EIF2B3: variants seen among roughly 807,000 people sequenced by gnomAD.
EIF2B3 encodes eukaryotic translation initiation factor 2B subunit gamma, also known as translation initiation factor eIF2B subunit gamma.
EIF2B3 carries 20 observed loss-of-function variants against 54.1 expected under a neutral mutation model. The ratio of observed to expected loss-of-function variants is 0.37; its 90% CI spans 0.26 to 0.54. The LOEUF (loss-of-function observed/expected upper bound fraction) is 0.54, where lower values mean the gene tolerates loss of function less well. EIF2B3 is among the 20% of genes least tolerant of loss of function. EIF2B3 has a pLI of 0.86. For synonymous variants in EIF2B3, 153 were observed against 188.1 expected (o/e 0.81, Z 1.52); for missense variants, 448 against 547.8 (o/e 0.82, Z 1.82).
chr1:44,936,928 T>C (rs138047489), intron 4 of EIF2B3, among the ~76,000 whole-genome samples: 2 of 152,328 alleles, frequency 1.3e-5, no homozygotes, highest in African/African-American at 2.4e-5. Context: ...AGGCTCACTT[T>C]ACAACAGAAG....
At chr1:44,887,512 G>A (rs1655631449) in intron 6 of EIF2B3, among the ~76,000 whole-genome samples, 1 of 152,164 alleles carries the variant, frequency 6.6e-6, no homozygotes, top group East Asian at 1.9e-4. Context: ...TTACAGAAAT[G>A]GCGAAATCTT....
chr1:44,949,548 T>C (rs1644139070), intron 3 of EIF2B3, among the ~76,000 whole-genome samples: 1 of 152,208 alleles, frequency 6.6e-6, no homozygotes, highest in East Asian at 1.9e-4. Context: ...TTAGAAACAG[T>C]ATACATTCTG....
intron 11 of EIF2B3, among the ~76,000 whole-genome samples, chr1:44,855,811 C>A (rs1573677064): frequency 6.6e-6 from 1 of 152,116 alleles, no homozygotes; most frequent in African/African-American, 2.4e-5. Flanking sequence ...CCCACTTCGG[C>A]CTCCCAAAGT....
chr1:44,974,505 G>C (rs919920959), intron 3 of EIF2B3, among the ~76,000 whole-genome samples: 1 of 151,246 alleles, frequency 6.6e-6, no homozygotes, highest in Admixed American at 6.6e-5. Context: ...AAAGAAATTA[G>C]CCGGGCATGG....
intron 5 of EIF2B3, among the ~76,000 whole-genome samples, chr1:44,907,107 C>G (rs1643426135): frequency 6.6e-6 from 1 of 152,218 alleles, no homozygotes; most frequent in Non-Finnish European, 1.5e-5. Flanking sequence ...TGTCAATACC[C>G]TAGTTCAAAT....
intron 3 of EIF2B3, among the ~76,000 whole-genome samples, chr1:44,949,553 A>T (rs931538010): frequency 6.6e-6 from 1 of 152,226 alleles, no homozygotes; most frequent in Non-Finnish European, 1.5e-5. Flanking sequence ...AACAGTATAC[A>T]TTCTGACAGA....
intron 3 of EIF2B3, among the ~76,000 whole-genome samples, chr1:44,959,641 C>T (rs1644264187): frequency 6.6e-6 from 1 of 152,196 alleles, no homozygotes; most frequent in African/African-American, 2.4e-5. Context: ...TACGACTCCC[C>T]AGCCTCCCTG....
chr1:44,978,586 T>C lies in EIF2B3; in HGVS notation c.149-126A>G, dbSNP rs954995810. On this transcript the variant is annotated intron_variant, in intron 2 of 11. Transcript: ENST00000360403. Reference sequence around the variant, plus strand: ...ACAACTGCTAATATTATTGTGCCTTTTCAATATATTTTACCTGCATTCCCC... The same window carrying C: ...ACAACTGCTAATATTATTGTGCCTTCTCAATATATTTTACCTGCATTCCCC... 2.8e-5 allele frequency: 25 copies of C among 886,240 alleles called. No homozygotes were observed. In the African/African-American group the frequency reaches 4.4e-4, roughly 15 times the overall value. The allele number at this position is 886,240 out of a possible 1,614,324, so 54.9% of individuals were successfully genotyped here. A position where few individuals can be genotyped will look rare whatever the true frequency, so the allele number is the denominator to read the frequency against.
intron 3 of EIF2B3, among the ~76,000 whole-genome samples, chr1:44,963,692 C>CT (rs1222558898): frequency 6.6e-6 from 1 of 152,208 alleles, no homozygotes; most frequent in African/African-American, 2.4e-5. Context: ...ATAAATTGTA[C>CT]TGCACCTTTC....
rs112711930 is a variant in EIF2B3 at position 44,978,228 on chromosome 1, C to A, written c.294+87G>T. On this transcript the variant is annotated intron_variant, in intron 3 of 11. Transcript: ENST00000360403. Reference sequence around the variant, plus strand: ...CCTAGGTGACAGAGCGAGGTTCTGTCTCAAAAAAAAGACTATAATGCACTG... The same window carrying A: ...CCTAGGTGACAGAGCGAGGTTCTGTATCAAAAAAAAGACTATAATGCACTG... 2.8e-4 allele frequency: 425 copies of A among 1,520,256 alleles called. No homozygotes were observed. In the African/African-American group the frequency reaches 5.2e-3, roughly 19 times the overall value. The allele number at this position is 1,520,256 out of a possible 1,614,324, so 94.2% of individuals were successfully genotyped here. A position where few individuals can be genotyped will look rare whatever the true frequency, so the allele number is the denominator to read the frequency against.
intron 3 of EIF2B3, among the ~76,000 whole-genome samples, chr1:44,951,934 C>T (rs1274164472): frequency 4.4e-5 from 6 of 134,872 alleles, no homozygotes; most frequent in African/African-American, 1.7e-4. Flanking sequence ...ATTACAGGGG[C>T]GCACCACCAT....
At chr1:44,875,281 G>A (rs1285541653) in intron 9 of EIF2B3, among the ~76,000 whole-genome samples, 1 of 152,182 alleles carries the variant, frequency 6.6e-6, no homozygotes, top group Non-Finnish European at 1.5e-5. Context: ...AACCTCAGGT[G>A]AGCCTCTACC....
At chr1:44,975,510 GGTAA>G (rs1644444537) in intron 3 of EIF2B3, among the ~76,000 whole-genome samples, 2 of 152,060 alleles carry the variant, frequency 1.3e-5, no homozygotes, top group African/African-American at 4.8e-5. Context: ...GTAACACAAT[GGTAA>G]GTATTTGTGT....
At chr1:44,867,482 G>C (rs1001986838) in intron 10 of EIF2B3, among the ~76,000 whole-genome samples, 3 of 152,070 alleles carry the variant, frequency 2.0e-5, no homozygotes, top group Admixed American at 6.6e-5. Flanking sequence ...AAGCTTTCAA[G>C]CCTCAGCAGC....
chr1:44,948,990 T>C (rs979550853), intron 3 of EIF2B3, among the ~76,000 whole-genome samples: 3 of 152,156 alleles, frequency 2.0e-5, no homozygotes, highest in African/African-American at 7.2e-5. Flanking sequence ...TGCCTCAGCC[T>C]CCCAAGTAGC....
Position 44,929,014 on chromosome 1 carries a change from G to T in EIF2B3, c.455-2275C>A, listed in dbSNP as rs145727130. On this transcript the variant is annotated intron_variant, in intron 4 of 11. Transcript: ENST00000360403. The stretch of plus-strand genomic sequence containing the variant: ...TCCTCAGTTTCATCTATAAAATGGG[G>T]ATAATAATAGTGTTTGTCTCACAGG... Among the ~76,000 whole-genome samples the T allele has an allele frequency of 1.1e-4, 16 of 152,258 alleles. No homozygotes were observed. The East Asian group carries it at 3.1e-3, about 29-fold the overall frequency.
intron 5 of EIF2B3, among the ~76,000 whole-genome samples, chr1:44,921,042 T>C (rs935569863): frequency 6.6e-6 from 1 of 152,232 alleles, no homozygotes; most frequent in African/African-American, 2.4e-5. Context: ...TCTACAACCT[T>C]GCCAGCATTT....
At chr1:44,960,807 G>C (rs920136586) in intron 3 of EIF2B3, among the ~76,000 whole-genome samples, 7 of 152,106 alleles carry the variant, frequency 4.6e-5, no homozygotes, top group African/African-American at 1.4e-4. Flanking sequence ...AAGGATTTTG[G>C]TATCTGTGAG....
chr1:44,960,416 G>A (rs898640424), intron 3 of EIF2B3, among the ~76,000 whole-genome samples: 4 of 152,280 alleles, frequency 2.6e-5, no homozygotes, highest in Non-Finnish European at 4.4e-5. Context: ...GAGGCAGGCG[G>A]ATCATGAGGT....
Sources: gnomAD v4.1 joint callset for allele counts (sites outside exome capture counted in the v4.1 genomes callset) on GRCh38, gnomAD v4.1.1 for gene constraint, MANE v1.5 for transcripts, NCBI Gene and HGNC (gene_info 2026-07-23, HGNC 2026-07-21) for gene names.